Variants in VWA8 observed in about 807,000 individuals in gnomAD.
The protein encoded by VWA8 is von Willebrand factor A domain-containing protein 8.
In VWA8, 221 loss-of-function variants were observed where a neutral mutation model predicts 241.5. That is an observed-to-expected ratio of 0.91 (90% confidence interval 0.82 to 1.02). VWA8 has a LOEUF of 1.02. Among genes scored for constraint, VWA8 ranks in the 50% least tolerant of loss-of-function variants. The pLI is 0.00. For synonymous variants in VWA8, 852 were observed against 827.1 expected (o/e 1.03, Z -0.52); for missense variants, 2,322 against 2,328.7 (o/e 1.00, Z 0.06).
At chr13:41,915,071 G>A (rs908363849) in intron 2 of VWA8, among the ~76,000 whole-genome samples, 1 of 152,124 alleles carries the variant, frequency 6.6e-6, no homozygotes, top group Non-Finnish European at 1.5e-5. Flanking sequence ...TGATGTTTAG[G>A]AATAACTTAT....
At chr13:41,884,982 G>A (rs1034346414) in intron 8 of VWA8, among the ~76,000 whole-genome samples, 1 of 151,920 alleles carries the variant, frequency 6.6e-6, no homozygotes, top group African/African-American at 2.4e-5. Flanking sequence ...CCACTATCTT[G>A]GATGGTGCCC....
chr13:41,960,355 T>C (rs1327546949), intron 1 of VWA8, among the ~76,000 whole-genome samples: 1 of 152,194 alleles, frequency 6.6e-6, no homozygotes, highest in Admixed American at 6.5e-5. Context: ...TTGGAAAGGC[T>C]CGGGGATGCA....
chr13:41,936,586 C>T (rs924064618), intron 2 of VWA8, among the ~76,000 whole-genome samples: 3 of 152,006 alleles, frequency 2.0e-5, no homozygotes, highest in East Asian at 1.9e-4. Flanking sequence ...TTACATAGCT[C>T]GAAAATTGTA....
At chr13:41,850,522 C>T (rs910952710) in intron 12 of VWA8, among the ~76,000 whole-genome samples, 3 of 152,150 alleles carry the variant, frequency 2.0e-5, no homozygotes, top group African/African-American at 7.2e-5. Flanking sequence ...GTCCCATCAA[C>T]CCAAGTTCAG....
At chr13:41,825,728 T>C (rs75783938) in intron 14 of VWA8, among the ~76,000 whole-genome samples, 22,839 of 152,208 alleles carry the variant, frequency 0.15, 1,858 homozygotes, top group Non-Finnish European at 0.19. Flanking sequence ...TAAAGACTAT[T>C]AGAAATAATC....
Position 41,690,269 on chromosome 13 carries a change from A to G in VWA8, c.3873T>C (p.Tyr1291=), listed in dbSNP as rs564881789. ...LLVESKTNQK[Y]LLTKPAHIES... ...CGATGTGTGCAGGCTTAGTTAAAAG[A>G]TATTTCCTGCAAACAAACAAAACAT... The change falls in exon 33 of 45, where the codon TAT becomes TAC. Residue 1291 remains tyrosine (Y), a synonymous_variant. Coordinates refer to ENST00000379310, the MANE Select transcript of VWA8 (RefSeq NM_015058.2). The G allele has an allele frequency of 3.7e-6, 6 of 1,606,704 alleles. No individual in the cohort carries two copies. In the East Asian group the frequency reaches 8.9e-5, roughly 24 times the overall value.
intron 26 of VWA8, 138 bp downstream of exon 26, chr13:41,719,452 GC>G: frequency 6.7e-7 from 1 of 1,484,076 alleles, no homozygotes; most frequent in East Asian, 2.5e-5. Context: ...AAAGCAGCCA[GC>G]AAACAGCAAC....
intron 37 of VWA8, among the ~76,000 whole-genome samples, chr13:41,638,790 G>A (rs1043367148): frequency 3.9e-5 from 6 of 152,304 alleles, no homozygotes; most frequent in East Asian, 3.9e-4. Context: ...GAATTAGAAT[G>A]ATAGGAGGTG....
chr13:41,731,631 C>T (rs114567457), intron 22 of VWA8, among the ~76,000 whole-genome samples: 1,666 of 152,164 alleles, frequency 0.011, 34 homozygotes, highest in African/African-American at 0.038. Flanking sequence ...GAATCTGATA[C>T]GGTTTGGCTG....
chr13:41,655,481 CAG>C lies in VWA8; in HGVS notation c.4611+15463_4611+15464del, dbSNP rs538560830. 8.0e-5 allele frequency among the ~76,000 whole-genome samples: 8 copies of C among 99,926 alleles called. No homozygotes were observed. The East Asian group carries it at 2.4e-3, about 30-fold the overall frequency. 65.6% of individuals were successfully genotyped at this position (99,926 alleles called of 152,430 possible). Reference sequence around the variant, plus strand: ...GATATATAATATATATCCACACATACAGAGAGACAGAGAGAGAGAGAGAGAGA... The same window carrying C: ...GATATATAATATATATCCACACATACAGAGACAGAGAGAGAGAGAGAGAGA... On this transcript the variant is annotated intron_variant, in intron 37 of 44. Coordinates refer to ENST00000379310, the MANE Select transcript of VWA8 (RefSeq NM_015058.2).
chr13:41,581,709 C>G (rs534631116), intron 42 of VWA8, among the ~76,000 whole-genome samples: 6 of 150,306 alleles, frequency 4.0e-5, no homozygotes, highest in African/African-American at 1.2e-4. Flanking sequence ...TTTTTTTTTC[C>G]AAGTGCAACT....
chr13:41,819,099 T>A (rs993482358), intron 15 of VWA8, 119 bp downstream of exon 15: 1 of 1,002,556 alleles, frequency 1.0e-6, no homozygotes, highest in Non-Finnish European at 1.4e-6. Flanking sequence ...ATGAAGAAAT[T>A]TGGGAGTAAA....
At chr13:41,744,776 A>G (rs2045591913) in intron 21 of VWA8, among the ~76,000 whole-genome samples, 1 of 152,198 alleles carries the variant, frequency 6.6e-6, no homozygotes. Flanking sequence ...TAAACATGTT[A>G]AGATAATATA....
chr13:41,603,011 A>G (rs2044530968), intron 40 of VWA8, among the ~76,000 whole-genome samples: 1 of 152,120 alleles, frequency 6.6e-6, no homozygotes, highest in African/African-American at 2.4e-5. Context: ...GTATTAGTTA[A>G]GCCTATTTTC....
intron 21 of VWA8, among the ~76,000 whole-genome samples, chr13:41,741,545 CAT>C (rs765628179): frequency 6.3e-4 from 96 of 152,292 alleles, no homozygotes; most frequent in Non-Finnish European, 1.0e-3. Context: ...CAGTTGTTCA[CAT>C]GAGTATCTCC....
chr13:41,811,078 T>C (rs1251999075), intron 17 of VWA8, 147 bp downstream of exon 17: 2 of 606,496 alleles, frequency 3.3e-6, no homozygotes, highest in Non-Finnish European at 5.6e-6. Flanking sequence ...TTAAATAAGT[T>C]CTAATCAGTG....
chr13:41,947,065 T>C (rs1403537283), intron 2 of VWA8, among the ~76,000 whole-genome samples: 5 of 152,174 alleles, frequency 3.3e-5, no homozygotes, highest in African/African-American at 1.2e-4. Flanking sequence ...ACATTTCCTC[T>C]TAACAATTTT....
At chr13:41,591,018 T>A (rs1335715300) in intron 40 of VWA8, among the ~76,000 whole-genome samples, 4 of 152,212 alleles carry the variant, frequency 2.6e-5, no homozygotes, top group Non-Finnish European at 5.9e-5. Context: ...CCTGGAGAGA[T>A]GTCCAGTATC....
chr13:41,881,907 A>ACC (rs1206313936), intron 9 of VWA8, among the ~76,000 whole-genome samples: 1 of 116,102 alleles, frequency 8.6e-6, no homozygotes, highest in Non-Finnish European at 1.8e-5. Context: ...GCGGGGGCTG[A>ACC]CCCCCACCTC....
Sources: allele counts gnomAD v4.1 joint callset (sites outside exome capture counted in the v4.1 genomes callset), GRCh38; gene constraint gnomAD v4.1.1; transcripts MANE v1.5; gene names NCBI Gene and HGNC (gene_info 2026-07-23, HGNC 2026-07-21).